DAAM2: variants seen among roughly 807,000 people sequenced by gnomAD.
The protein encoded by DAAM2 is dishevelled associated activator of morphogenesis 2.
Under a neutral mutation model 120.7 loss-of-function variants are expected in DAAM2, and 39 were observed. The ratio of observed to expected loss-of-function variants is 0.32; its 90% CI spans 0.25 to 0.42. The LOEUF (loss-of-function observed/expected upper bound fraction) is 0.42. DAAM2 is among the 10% of genes least tolerant of loss of function. The pLI is 1.00. For synonymous variants in DAAM2, 488 were observed against 524.9 expected (o/e 0.93, Z 0.96); for missense variants, 1,283 against 1,401.7 (o/e 0.92, Z 1.35).
chr6:39,834,999 C>A (rs1763051897), intron 1 of DAAM2, among the ~76,000 whole-genome samples: 1 of 152,234 alleles, frequency 6.6e-6, no homozygotes, highest in Admixed American at 6.5e-5. Flanking sequence ...CCTCTCTCCA[C>A]CCACACCACA....
Position 39,902,123 on chromosome 6 carries a change from T to C in DAAM2, c.*86T>C. The C allele has an allele frequency of 8.1e-7, 1 of 1,230,690 alleles. No homozygotes were observed. The highest frequency in any genetic ancestry group is 1.1e-6 in the Non-Finnish European group (1 of 888,916). The allele number at this position is 1,230,690 out of a possible 1,614,324, so 76.2% of individuals were successfully genotyped here. ...GGAGGAGGTGGTGATATTTAAACCA[T>C]TTGGTGCTTGGTTTAGAGCCTTGGG... On this transcript the variant is annotated 3_prime_UTR_variant, in exon 25 of 25. Coordinates refer to ENST00000274867, the MANE Select transcript of DAAM2 (RefSeq NM_001201427.2).
At chr6:39,841,406 G>T (rs907347375) in intron 1 of DAAM2, among the ~76,000 whole-genome samples, 2 of 147,708 alleles carry the variant, frequency 1.4e-5, no homozygotes, top group Admixed American at 1.3e-4. Flanking sequence ...ACTCCTTGGG[G>T]AAAGGTGGGG....
chr6:39,816,138 G>A (rs1762302573), intron 1 of DAAM2, among the ~76,000 whole-genome samples: 2 of 152,216 alleles, frequency 1.3e-5, no homozygotes, highest in Admixed American at 6.5e-5. Context: ...ATCACACGTT[G>A]TATTTTTTCT....
At chr6:39,859,138 C>A (rs1764117132) in intron 2 of DAAM2, among the ~76,000 whole-genome samples, 1 of 152,112 alleles carries the variant, frequency 6.6e-6, no homozygotes, top group Non-Finnish European at 1.5e-5. Context: ...GGGAGAGATT[C>A]TTCTTACCTG....
At chr6:39,887,378 T>C (rs1765439254) in intron 15 of DAAM2, 108 bp from the exon 16 acceptor site, 30 of 711,926 alleles carry the variant, frequency 4.2e-5, no homozygotes, top group Non-Finnish European at 7.3e-5. Flanking sequence ...CCCCTTCCCC[T>C]CACACCAGGA....
chr6:39,875,297 C>G, intron 10 of DAAM2, 33 bp from the exon 11 acceptor site: 1 of 1,605,264 alleles, frequency 6.2e-7, no homozygotes. Flanking sequence ...GACTTCAGGA[C>G]TCAGGAAAGA....
intron 14 of DAAM2, chr6:39,883,709 G>C: frequency 4.6e-6 from 2 of 431,534 alleles, no homozygotes; most frequent in East Asian, 3.7e-5. Context: ...CACCCCCCAT[G>C]ATTTCTAGAA....
In DAAM2 at chr6:39,871,512, A is replaced by G. The variant is rs1288694524; in HGVS notation, c.984A>G (p.Leu328=). 6.4e-7 allele frequency: 1 copy of G among 1,551,572 alleles called. No individual in the cohort carries two copies. Among genetic ancestry groups the G allele is most frequent in the Non-Finnish European group, 8.7e-7 (1 of 1,146,982 alleles). ...GTCTCCCCATTCTGTCTAGACATTT[A>G]GACTTCTTCGAGATGGTGCGGAATG... ...QHENAILDKH[L]DFFEMVRNED... The change falls in exon 9 of 25, where the codon TTA becomes TTG. Residue 328 remains leucine (L), a synonymous_variant. Transcript: ENST00000274867.
chr6:39,849,691 G>C, intron 1 of DAAM2, among the ~76,000 whole-genome samples: 1 of 152,156 alleles, frequency 6.6e-6, no homozygotes, highest in Middle Eastern at 3.2e-3. Context: ...GGATGGATTA[G>C]AGCTAAGAGG....
At position 39,879,268 on chromosome 6, in the gene DAAM2, C is replaced by G; in HGVS notation, c.1636C>G (p.Pro546Ala). The G allele has an allele frequency of 6.5e-7, 1 of 1,528,562 alleles. No individual in the cohort carries two copies. Among genetic ancestry groups the G allele is most frequent in the Non-Finnish European group, 8.9e-7 (1 of 1,128,280 alleles). The allele number at this position is 1,528,562 out of a possible 1,614,324, so 94.7% of individuals were successfully genotyped here. Residue 546 changes from proline (P) to alanine (A), a missense_variant, in exon 14 of 25, where the codon CCT becomes GCT. Physicochemically the swap from Pro to Ala is conservative, Grantham distance 27 (BLOSUM62 -1). Transcript: ENST00000274867. Reference sequence around the variant, plus strand: ...CAATGACCTGCCTCCACCCCCTCCTCCTCTGCCCTTTGCCTGTTGTCCCCC... The same window carrying G: ...CAATGACCTGCCTCCACCCCCTCCTGCTCTGCCCTTTGCCTGTTGTCCCCC... ...TTNDLPPPPP[P>A]LPFACCPPPP...
chr6:39,795,679 A>G (rs1761679035), intron 1 of DAAM2, among the ~76,000 whole-genome samples: 1 of 152,142 alleles, frequency 6.6e-6, no homozygotes, highest in African/African-American at 2.4e-5. Flanking sequence ...ATCTAGCTAC[A>G]TATTTTCCAT....
chr6:39,830,403 C>T (rs1358678911), intron 1 of DAAM2, among the ~76,000 whole-genome samples: 2 of 152,102 alleles, frequency 1.3e-5, no homozygotes, highest in African/African-American at 2.4e-5. Context: ...CCACGCACTC[C>T]CTCCCAGGGA....
chr6:39,886,656 G>C, intron 15 of DAAM2: 1 of 391,254 alleles, frequency 2.6e-6, no homozygotes, highest in Non-Finnish European at 4.5e-6. Context: ...AGCAGTGGAG[G>C]TCAATGTCTC....
chr6:39,841,014 C>T (rs1288001087), intron 1 of DAAM2, among the ~76,000 whole-genome samples: 4 of 18,104 alleles, frequency 2.2e-4, no homozygotes, highest in Non-Finnish European at 3.3e-4. Context: ...AGGGGTCCCA[C>T]GGGGAGGGTT....
intron 1 of DAAM2, among the ~76,000 whole-genome samples, chr6:39,813,157 T>C (rs890635083): frequency 2.0e-5 from 3 of 151,804 alleles, no homozygotes; most frequent in Admixed American, 6.6e-5. Context: ...TGTGTGTGTG[T>C]GTGTGTGTGC....
At chr6:39,818,270 T>A (rs1349864187) in intron 1 of DAAM2, among the ~76,000 whole-genome samples, 1 of 147,248 alleles carries the variant, frequency 6.8e-6, no homozygotes, top group Non-Finnish European at 1.5e-5. Context: ...ACTTGACACA[T>A]AAAATTAACC....
intron 1 of DAAM2, among the ~76,000 whole-genome samples, chr6:39,827,679 C>T (rs1433335857): frequency 2.0e-5 from 3 of 152,160 alleles, no homozygotes; most frequent in African/African-American, 7.2e-5. Context: ...GATTACTCTT[C>T]AGGGTCTCTG....
intron 15 of DAAM2, chr6:39,884,287 G>A (rs3003931): frequency 0.33 from 168,519 of 514,734 alleles, 30,033 homozygotes; most frequent in Non-Finnish European, 0.37. Context: ...GAGGATGTAG[G>A]TATGAAGTAG....
At chr6:39,888,395 A>G (rs1400981633) in intron 16 of DAAM2, 1 of 252,166 alleles carries the variant, frequency 4.0e-6, no homozygotes, top group East Asian at 7.2e-5. Flanking sequence ...TTTGGTCTAC[A>G]TTGAAGACAT....
Sources: gnomAD v4.1 joint callset for allele counts (sites outside exome capture counted in the v4.1 genomes callset) on GRCh38, gnomAD v4.1.1 for gene constraint, MANE v1.5 for transcripts, NCBI Gene and HGNC (gene_info 2026-07-23, HGNC 2026-07-21) for gene names.